Variants in SLC7A1 observed in about 807,000 individuals in gnomAD.
SLC7A1 encodes solute carrier family 7 member 1, also known as high affinity cationic amino acid transporter 1.
A neutral mutation model predicts 53.9 loss-of-function variants in SLC7A1; 10 were observed. The observed-to-expected ratio is 0.19, with a 90% CI of 0.11 to 0.31. SLC7A1 has a LOEUF of 0.31. Among genes scored for constraint, SLC7A1 ranks in the 10% least tolerant of loss-of-function variants. The pLI is 1.00. For synonymous variants in SLC7A1, 342 were observed against 338.7 expected (o/e 1.01, Z -0.11); for missense variants, 525 against 827.2 (o/e 0.63, Z 4.48).
At chr13:29,540,461 A>G (rs888125147) in intron 2 of SLC7A1, among the ~76,000 whole-genome samples, 3 of 152,206 alleles carry the variant, frequency 2.0e-5, no homozygotes, top group African/African-American at 4.8e-5. Flanking sequence ...AAATGACCCA[A>G]TGAGTCAGAA....
At chr13:29,519,964 C>A (rs1868551753) in intron 8 of SLC7A1, among the ~76,000 whole-genome samples, 1 of 152,062 alleles carries the variant, frequency 6.6e-6, no homozygotes, top group Admixed American at 6.5e-5. Context: ...TCCTCTAGAC[C>A]ATGCTGATTC....
intron 1 of SLC7A1, among the ~76,000 whole-genome samples, chr13:29,573,892 T>C (rs1350993621): frequency 6.6e-6 from 1 of 152,226 alleles, no homozygotes; most frequent in Non-Finnish European, 1.5e-5. Context: ...CCAGCACCTT[T>C]CTAGCCGCAG....
At chr13:29,523,222 G>A (rs765395939) in intron 7 of SLC7A1, 44 bp downstream of exon 7, 7 of 1,524,468 alleles carry the variant, frequency 4.6e-6, no homozygotes, top group South Asian at 3.4e-5. Context: ...ACCCCTGCTG[G>A]TGGTTCCACC....
chr13:29,562,305 G>T (rs1469368219), intron 1 of SLC7A1, among the ~76,000 whole-genome samples: 2 of 152,166 alleles, frequency 1.3e-5, no homozygotes, highest in East Asian at 3.8e-4. Flanking sequence ...CACATTGACA[G>T]ACAAAATTGT....
At chr13:29,571,993 T>C (rs138070316) in intron 1 of SLC7A1, among the ~76,000 whole-genome samples, 1 of 152,350 alleles carries the variant, frequency 6.6e-6, no homozygotes, top group Non-Finnish European at 1.5e-5. Context: ...CCTTTGCGTG[T>C]ACAGTGTTGC....
chr13:29,516,054 C>T (rs1044329798), intron 12 of SLC7A1, 84 bp downstream of exon 12: 5 of 777,792 alleles, frequency 6.4e-6, no homozygotes, highest in South Asian at 1.7e-5. Flanking sequence ...ACTGGATGTG[C>T]GTCATTCTGT....
intron 1 of SLC7A1, among the ~76,000 whole-genome samples, chr13:29,562,057 G>A (rs1010948048): frequency 3.9e-5 from 6 of 152,292 alleles, no homozygotes; most frequent in African/African-American, 1.2e-4. Context: ...CAAGTATCAC[G>A]TTCCCCTGCA....
rs762026455 is a variant in SLC7A1 at position 29,517,243 on chromosome 13, C to G, written c.1578G>C (p.Leu526=). Residue 526 remains leucine (L), a synonymous_variant, in exon 11 of 13, where the codon CTG becomes CTC. Transcript: ENST00000380752. Reference sequence around the variant, plus strand: ...ACCCTGCGAGCAGAAAGACTGCCCACAGCGCCCCTTTGGTGAGAGCCTCCC... The same window carrying G: ...ACCCTGCGAGCAGAAAGACTGCCCAGAGCGCCCCTTTGGTGAGAGCCTCCC... ...LGREALTKGA[L]WAVFLLAGSA... 7 of 1,613,330 alleles carry G rather than the reference C, an allele frequency of 4.3e-6. No individual in the cohort carries two copies. The highest frequency in any genetic ancestry group is 1.7e-5 in the Admixed American group (1 of 59,910).
At chr13:29,565,007 C>T (rs1283221170) in intron 1 of SLC7A1, among the ~76,000 whole-genome samples, 2 of 152,218 alleles carry the variant, frequency 1.3e-5, no homozygotes, top group Non-Finnish European at 2.9e-5. Context: ...GAGATAAATG[C>T]AGCCAGGGGG....
intron 3 of SLC7A1, 52 bp downstream of exon 3, chr13:29,535,767 G>A (rs530854617): frequency 1.3e-6 from 2 of 1,570,692 alleles, no homozygotes; most frequent in African/African-American, 1.3e-5. Context: ...TTGGAGGTGG[G>A]AACAAACAGA....
In SLC7A1 at chr13:29,580,312, C is replaced by T. The variant is rs74695371; in HGVS notation, c.-115+15104G>A. On this transcript the variant is annotated intron_variant, in intron 1 of 12. Coordinates refer to ENST00000380752, the MANE Select transcript of SLC7A1 (RefSeq NM_003045.5). ...CGAGGCCAGGCAGGAGGGGACATGT[C>T]TGGGTTCTCAGGCTCCAAGGTACTT... is the stretch of plus-strand genomic sequence containing the variant. Among the ~76,000 whole-genome samples, 389 of 152,280 alleles carry T rather than the reference C, an allele frequency of 2.6e-3. 1 individual carries two copies. Among genetic ancestry groups the T allele is most frequent in the Non-Finnish European group, 2.6e-3 (178 of 68,026 alleles).
chr13:29,517,114 A>G (rs1418644008), intron 11 of SLC7A1, 30 bp downstream of exon 11: 23 of 1,558,568 alleles, frequency 1.5e-5, no homozygotes, highest in Non-Finnish European at 2.0e-5. Context: ...TCTGTGTACC[A>G]GGGTTCCTTC....
intron 1 of SLC7A1, among the ~76,000 whole-genome samples, chr13:29,558,676 G>A (rs1870579660): frequency 6.3e-5 from 1 of 15,998 alleles, no homozygotes; most frequent in Non-Finnish European, 1.2e-4. Context: ...TGAGTGAGGG[G>A]GAGTGAATGT....
intron 5 of SLC7A1, 81 bp from the exon 6 acceptor site, chr13:29,524,334 G>A (rs1425816945): frequency 9.6e-6 from 15 of 1,564,198 alleles, no homozygotes; most frequent in East Asian, 2.3e-5. Context: ...CTCCTGATAT[G>A]AGCGGAACCT....
chr13:29,569,123 T>C (rs28661387), intron 1 of SLC7A1, among the ~76,000 whole-genome samples: 185 of 152,210 alleles, frequency 1.2e-3, no homozygotes, highest in African/African-American at 4.1e-3. Flanking sequence ...ATGTCTGAAA[T>C]CGCATCCTGT....
chr13:29,525,439 A>ACCCT (rs2139084348), intron 5 of SLC7A1, among the ~76,000 whole-genome samples: 1 of 152,238 alleles, frequency 6.6e-6, no homozygotes, highest in East Asian at 1.9e-4. Context: ...GAAGAGAGGA[A>ACCCT]CCCTGTAGGA....
chr13:29,514,475 G>A lies in SLC7A1; in HGVS notation c.*5C>T. The A allele has an allele frequency of 6.2e-7, 1 of 1,605,338 alleles. No homozygotes were observed. Among genetic ancestry groups the A allele is most frequent in the Non-Finnish European group, 8.5e-7 (1 of 1,177,808 alleles). On this transcript the variant is annotated 3_prime_UTR_variant, in exon 13 of 13. Transcript: ENST00000380752. ...GCTGCCACCTCCGGGGGGCGGGGCT[G>A]TGCGTCACTTGCACTGGTCCAAGTT...
intron 1 of SLC7A1, among the ~76,000 whole-genome samples, chr13:29,594,640 G>A (rs890925510): frequency 5.9e-5 from 9 of 152,226 alleles, no homozygotes; most frequent in South Asian, 4.1e-4. Context: ...TGCTAAAGGC[G>A]GAAGAACTTC....
chr13:29,544,524 G>A (rs759349789), intron 2 of SLC7A1, among the ~76,000 whole-genome samples: 7 of 152,154 alleles, frequency 4.6e-5, no homozygotes, highest in Non-Finnish European at 1.0e-4. Flanking sequence ...ACAAGGAGAC[G>A]CAGGCTTGAT....
Sources: gnomAD v4.1 joint callset for allele counts (sites outside exome capture counted in the v4.1 genomes callset) on GRCh38, gnomAD v4.1.1 for gene constraint, MANE v1.5 for transcripts, NCBI Gene and HGNC (gene_info 2026-07-23, HGNC 2026-07-21) for gene names.